The following MATN1 variants were observed in gnomAD, a reference collection of about 807,000 sequenced individuals.
MATN1 encodes the protein matrilin 1.
A neutral mutation model predicts 41.3 loss-of-function variants in MATN1; 34 were observed. That is an observed-to-expected ratio of 0.82 (90% CI 0.63 to 1.10). MATN1 has a LOEUF of 1.10. Ranked by LOEUF, MATN1 falls within the 50% of genes least tolerant of loss-of-function variation. MATN1 has a pLI of 0.00. For missense variants in MATN1, 602 were observed against 662.4 expected (o/e 0.91, Z 1.00); for synonymous variants, 264 against 278.7 (o/e 0.95, Z 0.53).
intron 5 of MATN1, 39 bp from the exon 6 acceptor site, chr1:30,715,348 GA>G (rs764739263): frequency 6.2e-7 from 1 of 1,608,862 alleles, no homozygotes; most frequent in Non-Finnish European, 8.5e-7. Flanking sequence ...TGGACATGGG[GA>G]TGGGCAACCA....
chr1:30,716,000 A>G lies in MATN1; in HGVS notation c.1116T>C (p.Ala372=), dbSNP rs376020917. ...IDNSFTVSSG[A]RPGAQKVGIV... The stretch of plus-strand genomic sequence containing the variant: ...TGCCCACCTTCTGGGCCCCGGGCCT[A>G]GCCCCACTGGACACAGTGAAGGAAT... The change falls in exon 5 of 8, where the codon GCT becomes GCC. Residue 372 remains alanine (A), a synonymous_variant. Transcript: ENST00000373765. 26 of 1,614,132 alleles carry G rather than the reference A, an allele frequency of 1.6e-5. No homozygotes were observed. The highest frequency in any genetic ancestry group is 1.3e-4 in the Admixed American group (8 of 60,008).
intron 7 of MATN1, chr1:30,713,952 GA>G (rs1243058962): frequency 3.5e-6 from 2 of 579,394 alleles, no homozygotes; most frequent in Non-Finnish European, 3.1e-6. Flanking sequence ...ATGAGCCTGA[GA>G]AATGGGGCAT....
chr1:30,717,605 G>T (rs1329276121), intron 3 of MATN1, among the ~76,000 whole-genome samples: 2 of 149,472 alleles, frequency 1.3e-5, no homozygotes, highest in Non-Finnish European at 2.9e-5. Flanking sequence ...CCAGGATTCT[G>T]CCACATAAAA....
Position 30,721,697 on chromosome 1 carries a change from CGA to C in MATN1, c.147_148del (p.Arg50GlnfsTer6). 1 of 1,612,982 alleles carries C rather than the reference CGA, an allele frequency of 6.2e-7. No homozygotes were observed. Among genetic ancestry groups the C allele is most frequent in the Non-Finnish European group, 8.5e-7 (1 of 1,180,008 alleles). Reference sequence around the variant, plus strand: ...CTCAAATTCAACAGGCCGAACGCTGCGAGAGCTGTCGACAACAAACACCAGGT... The same window carrying C: ...CTCAAATTCAACAGGCCGAACGCTGCGAGCTGTCGACAACAAACACCAGGT... On this transcript the variant is annotated frameshift_variant, in exon 2 of 8. Transcript: ENST00000373765. LOFTEE classifies it high-confidence loss of function.
chr1:30,716,079 G>A lies in MATN1; in HGVS notation c.1037C>T (p.Ser346Phe), dbSNP rs1639615069. 4 of 1,614,070 alleles carry A rather than the reference G, an allele frequency of 2.5e-6. No individual in the cohort carries two copies. The highest frequency in any genetic ancestry group is 2.7e-5 in the African/African-American group (2 of 74,930). ...KDIKAAVRNMSYMEKGTMTGA... is the reference protein window; with the variant it reads ...KDIKAAVRNMFYMEKGTMTGA... ...AGTCATTGTGCCCTTCTCCATGTAG[G>A]ACATATTCCGCACAGCCGCCTTGAT... Residue 346 changes from serine to phenylalanine, a missense_variant, in exon 5 of 8, where the codon TCC becomes TTC. Ser to Phe is a radical substitution (Grantham distance 155). Transcript: ENST00000373765.
At chr1:30,722,773 A>G (rs879765029) in intron 1 of MATN1, among the ~76,000 whole-genome samples, 2 of 152,202 alleles carry the variant, frequency 1.3e-5, no homozygotes, top group African/African-American at 2.4e-5. Context: ...ACAGTGCCCT[A>G]GACTGGGGCT....
At chr1:30,720,790 T>C (rs1639686088) in intron 2 of MATN1, 1 of 152,766 alleles carries the variant, frequency 6.5e-6, no homozygotes, top group African/African-American at 2.4e-5. Flanking sequence ...TGGGAAACGC[T>C]CAGCCCTCTG....
chr1:30,716,826 C>A lies in MATN1; in HGVS notation c.754G>T (p.Gly252Cys). ...PGSYTCACHE[G>C]FTLNSDGKTC... ...TTGCCGTCGCTGTTCAGAGTGAAGC[C>A]CTCGTGGCAGGCGCAGGTGTAGGAA... is the stretch of plus-strand genomic sequence containing the variant. Residue 252 changes from glycine to cysteine, a missense_variant, in exon 4 of 8, where the codon GGC (glycine) becomes TGC (cysteine). Gly to Cys is a radical substitution (Grantham distance 159). Transcript: ENST00000373765. The A allele has an allele frequency of 6.2e-7, 1 of 1,614,034 alleles. No individual in the cohort carries two copies. Among genetic ancestry groups the A allele is most frequent in the Non-Finnish European group, 8.5e-7 (1 of 1,179,990 alleles).
intron 1 of MATN1, among the ~76,000 whole-genome samples, chr1:30,722,109 G>T (rs1034450134): frequency 1.3e-5 from 2 of 152,232 alleles, no homozygotes; most frequent in African/African-American, 4.8e-5. Context: ...TCCAGGGGTG[G>T]CAAAGGACCC....
rs780510349 is a variant in MATN1 at position 30,715,182 on chromosome 1, C to T, written c.1335G>A (p.Lys445=). 1 of 1,614,240 alleles carries T rather than the reference C, an allele frequency of 6.2e-7. No homozygotes were observed. The highest frequency in any genetic ancestry group is 8.5e-7 in the Non-Finnish European group (1 of 1,180,034). ...CCACACAGATCTTCTTCTGCAACTTCTTGCCTATCTGGTTGATGGTCTTGA... is the reference window on the plus strand; with the variant it reads ...CCACACAGATCTTCTTCTGCAACTTTTTGCCTATCTGGTTGATGGTCTTGA... The part of the protein sequence containing the change: ...ADFKTINQIG[K]KLQKKICVEE... The change falls in exon 6 of 8, where the codon AAG becomes AAA. Residue 445 remains lysine (K), a synonymous_variant. Coordinates refer to ENST00000373765, the MANE Select transcript of MATN1 (RefSeq NM_002379.3).
At chr1:30,719,145 C>T (rs1299096518) in intron 2 of MATN1, 188 bp from the exon 3 acceptor site, 2 of 520,802 alleles carry the variant, frequency 3.8e-6, no homozygotes, top group Admixed American at 3.9e-5. Context: ...GGCTGGGGGG[C>T]TTTCCATCTG....
intron 4 of MATN1, 57 bp from the exon 5 acceptor site, chr1:30,716,382 C>A: frequency 6.5e-7 from 1 of 1,545,460 alleles, no homozygotes; most frequent in Non-Finnish European, 8.8e-7. Context: ...AACCATCCTG[C>A]TCCCCGGCTG....
At chr1:30,718,612 G>T in intron 3 of MATN1, 123 bp downstream of exon 3, 4 of 65,964 alleles carry the variant, frequency 6.1e-5, no homozygotes, top group South Asian at 1.4e-4. Flanking sequence ...CCCCGCCCCT[G>T]CCCTGCGCCG....
intron 3 of MATN1, among the ~76,000 whole-genome samples, chr1:30,717,422 A>C (rs1639631048): frequency 6.6e-6 from 1 of 151,898 alleles, no homozygotes; most frequent in African/African-American, 2.4e-5. Flanking sequence ...CCAAAGACCC[A>C]CACACACACC....
rs372051087 is a variant in MATN1, at chr1:30,721,436, C to T, written c.410G>A (p.Gly137Asp). 2 of 1,612,384 alleles carry T rather than the reference C, an allele frequency of 1.2e-6. No homozygotes were observed. The highest frequency in any genetic ancestry group is 2.2e-5 in the East Asian group (1 of 44,820). Residue 137 changes from glycine (G) to aspartate (D), a missense_variant, in exon 2 of 8, where the codon GGT becomes GAT. Gly to Asp is a moderately conservative substitution (Grantham distance 94). Coordinates refer to ENST00000373765, the MANE Select transcript of MATN1 (RefSeq NM_002379.3). ...GATGTCAGGGGACCTGGAACGACCA[C>T]CCTCTGCATCGCCGAAGGCTTTGGT... ...AITKAFGDAEGGRSRSPDISK... is the reference protein window; with the variant it reads ...AITKAFGDAEDGRSRSPDISK...
intron 4 of MATN1, 38 bp from the exon 5 acceptor site, chr1:30,716,363 G>T: frequency 6.3e-7 from 1 of 1,592,908 alleles, no homozygotes; most frequent in Non-Finnish European, 8.6e-7. Flanking sequence ...GAAGCTGAAG[G>T]ACATAGTCAA....
Position 30,718,739 on chromosome 1 carries a change from G to T in MATN1, c.660C>A (p.Phe220Leu), listed in dbSNP as rs766544690. 16 of 1,581,762 alleles carry T rather than the reference G, an allele frequency of 1.0e-5. No individual in the cohort carries two copies. The South Asian group carries it at 1.8e-4, about 18-fold the overall frequency. The change falls in exon 3 of 8, where the codon TTC becomes TTA. Residue 220 changes from phenylalanine to leucine, a missense_variant. By Grantham distance (22) the Phe-to-Leu change is conservative. Coordinates refer to ENST00000373765, the MANE Select transcript of MATN1 (RefSeq NM_002379.3). ...CGCCCCCGCCTGCCCGCGCACCGCA[G>T]AAGGCCTCCTGGAACTTCCTGGACA... ...EKLSRKFQEA[F>L]CVVSDLCATG...
rs137886424 is a variant in MATN1 at position 30,721,728 on chromosome 1, T to C, written c.118A>G (p.Thr40Ala). The C allele has an allele frequency of 1.8e-5, 29 of 1,610,970 alleles. No homozygotes were observed. The highest frequency in any genetic ancestry group is 2.0e-5 in the Non-Finnish European group (24 of 1,179,330). ...SRGHLCRTRP[T>A]DLVFVVDSSR... ...CTGTCGACAACAAACACCAGGTCTGTGGGCCGCGTCCGGCAGAGATGGCCT... is the reference window on the plus strand; with the variant it reads ...CTGTCGACAACAAACACCAGGTCTGCGGGCCGCGTCCGGCAGAGATGGCCT... Residue 40 changes from threonine to alanine, a missense_variant, in exon 2 of 8, where the codon ACA (threonine) becomes GCA (alanine). Transcript: ENST00000373765.
intron 6 of MATN1, among the ~76,000 whole-genome samples, 197 bp downstream of exon 6, chr1:30,714,960 C>G (rs1188406): frequency 0.6 from 91,138 of 152,142 alleles, 29,873 homozygotes; most frequent in African/African-American, 0.88. Context: ...ACTGAGAACA[C>G]TGCCAGCCAC....
Sources: gnomAD v4.1 joint callset for allele counts (sites outside exome capture counted in the v4.1 genomes callset) on GRCh38, gnomAD v4.1.1 for gene constraint, MANE v1.5 for transcripts, NCBI Gene and HGNC (gene_info 2026-07-23, HGNC 2026-07-21) for gene names.